CNTNAP2: variants seen among roughly 807,000 people sequenced by gnomAD.
The protein encoded by CNTNAP2 is contactin-associated protein-like 2.
Under a neutral mutation model 155.2 loss-of-function variants are expected in CNTNAP2, and 98 were observed. The observed-to-expected ratio is 0.63, with a 90% CI of 0.54 to 0.75. CNTNAP2 has a LOEUF of 0.75. CNTNAP2 is among the 30% of genes least tolerant of loss of function. CNTNAP2 has a pLI of 0.00. For synonymous variants in CNTNAP2, 651 were observed against 631.2 expected, an observed-to-expected ratio of 1.03 and a Z score of -0.47; for missense variants, 1,727 against 1,688.1, an observed-to-expected ratio of 1.02 and a Z score of -0.40.
intron 11 of CNTNAP2, among the ~76,000 whole-genome samples, chr7:147,501,707 A>G (rs1332223010): frequency 6.6e-6 from 1 of 152,220 alleles, no homozygotes; most frequent in Admixed American, 6.5e-5. Context: ...AGGTTAAGCT[A>G]TGATGTTTGC....
At chr7:147,213,479 G>A (rs1443208874) in intron 8 of CNTNAP2, among the ~76,000 whole-genome samples, 1 of 151,858 alleles carries the variant, frequency 6.6e-6, no homozygotes, top group Non-Finnish European at 1.5e-5. Flanking sequence ...AATCATGTTA[G>A]TATTATTGCA....
At chr7:148,132,848 A>C (rs1370162406) in intron 16 of CNTNAP2, among the ~76,000 whole-genome samples, 1 of 152,210 alleles carries the variant, frequency 6.6e-6, no homozygotes, top group East Asian at 1.9e-4. Flanking sequence ...CGTGGCTTCC[A>C]GCCACTTCTC....
intron 15 of CNTNAP2, among the ~76,000 whole-genome samples, chr7:148,101,138 T>TG (rs1804090245): frequency 2.2e-5 from 1 of 45,896 alleles, no homozygotes; most frequent in African/African-American, 5.6e-5. Flanking sequence ...TGTTGTGGGG[T>TG]GGGGGGAGGG....
intron 2 of CNTNAP2, among the ~76,000 whole-genome samples, chr7:146,830,347 A>G (rs1261925919): frequency 1.3e-5 from 2 of 152,108 alleles, no homozygotes; most frequent in African/African-American, 4.8e-5. Context: ...GGAAACAAGA[A>G]GAGCTTGTGG....
At chr7:146,962,392 G>A (rs1020642059) in intron 3 of CNTNAP2, among the ~76,000 whole-genome samples, 2 of 152,168 alleles carry the variant, frequency 1.3e-5, no homozygotes, top group Non-Finnish European at 2.9e-5. Flanking sequence ...TTCTGACTAA[G>A]TAAGGAATAC....
chr7:146,539,080 A>G (rs542763160), intron 1 of CNTNAP2, among the ~76,000 whole-genome samples: 1 of 152,254 alleles, frequency 6.6e-6, no homozygotes, highest in Admixed American at 6.5e-5. Flanking sequence ...GGTGATATTC[A>G]AGCTGTCTTG....
chr7:146,338,989 C>T (rs74449892), intron 1 of CNTNAP2, among the ~76,000 whole-genome samples: 1 of 151,860 alleles, frequency 6.6e-6, no homozygotes, highest in Non-Finnish European at 1.5e-5. Flanking sequence ...TCAAGACCAG[C>T]GTGGCCAACA....
intron 3 of CNTNAP2, among the ~76,000 whole-genome samples, chr7:146,850,105 T>C (rs932961026): frequency 2.0e-5 from 3 of 152,186 alleles, no homozygotes; most frequent in Non-Finnish European, 4.4e-5. Flanking sequence ...AGCTTAATTA[T>C]AGGCTGCAGT....
intron 9 of CNTNAP2, among the ~76,000 whole-genome samples, chr7:147,336,910 A>T (rs1584882357): frequency 6.6e-6 from 1 of 152,144 alleles, no homozygotes; most frequent in Non-Finnish European, 1.5e-5. Flanking sequence ...CCAAAGGGAC[A>T]TTGGCAGAAT....
chr7:148,356,982 A>G (rs558173295), intron 21 of CNTNAP2, among the ~76,000 whole-genome samples: 12 of 152,198 alleles, frequency 7.9e-5, no homozygotes, highest in African/African-American at 2.7e-4. Flanking sequence ...TTGAAGCGTG[A>G]GGCCCTGCGT....
chr7:147,455,847 C>A (rs1797909367), intron 10 of CNTNAP2, among the ~76,000 whole-genome samples: 1 of 152,086 alleles, frequency 6.6e-6, no homozygotes, highest in East Asian at 1.9e-4. Flanking sequence ...ATTCTTCTAG[C>A]AAGCCAAGGC....
chr7:147,509,207 C>G (rs1439365668), intron 11 of CNTNAP2, among the ~76,000 whole-genome samples: 1 of 152,084 alleles, frequency 6.6e-6, no homozygotes, highest in Admixed American at 6.5e-5. Flanking sequence ...TTGTATCATC[C>G]CAAATCTGAT....
At chr7:148,362,953 G>A (rs1222506826) in intron 21 of CNTNAP2, among the ~76,000 whole-genome samples, 1 of 152,064 alleles carries the variant, frequency 6.6e-6, no homozygotes, top group Non-Finnish European at 1.5e-5. Flanking sequence ...TTTCCCTACA[G>A]TATTCAATAG....
At chr7:147,433,131 T>C (rs142601732) in intron 10 of CNTNAP2, among the ~76,000 whole-genome samples, 4 of 152,316 alleles carry the variant, frequency 2.6e-5, no homozygotes, top group African/African-American at 9.6e-5. Context: ...ATAGTGGCCA[T>C]CCGCAGAGTG....
intron 1 of CNTNAP2, among the ~76,000 whole-genome samples, chr7:146,555,933 A>G (rs1298246399): frequency 6.6e-6 from 1 of 152,204 alleles, no homozygotes; most frequent in Non-Finnish European, 1.5e-5. Context: ...TAATGTCTGT[A>G]AAGCTGAAGC....
intron 1 of CNTNAP2, among the ~76,000 whole-genome samples, chr7:146,429,873 C>T (rs954971535): frequency 2.6e-5 from 4 of 152,142 alleles, no homozygotes; most frequent in African/African-American, 7.2e-5. Flanking sequence ...ATAGATGGCT[C>T]TTATTATTGT....
intron 8 of CNTNAP2, among the ~76,000 whole-genome samples, chr7:147,201,093 T>C (rs987824055): frequency 6.6e-6 from 1 of 152,214 alleles, no homozygotes; most frequent in Non-Finnish European, 1.5e-5. Context: ...AATTCTAACA[T>C]GATTTCAGTC....
chr7:147,193,977 T>TG (rs917878454), intron 8 of CNTNAP2, among the ~76,000 whole-genome samples: 1 of 151,198 alleles, frequency 6.6e-6, no homozygotes, highest in Non-Finnish European at 1.5e-5. Context: ...TAAAAAAAAG[T>TG]GGGGGGAGAT....
chr7:147,965,956 T>C (rs939347296), intron 14 of CNTNAP2, among the ~76,000 whole-genome samples: 1 of 152,182 alleles, frequency 6.6e-6, no homozygotes, highest in African/African-American at 2.4e-5. Context: ...TCGATCATCC[T>C]AAGGGCCTTA....
Sources: gnomAD v4.1 joint callset for allele counts (sites outside exome capture counted in the v4.1 genomes callset) on GRCh38, gnomAD v4.1.1 for gene constraint, MANE v1.5 for transcripts, NCBI Gene and HGNC (gene_info 2026-07-23, HGNC 2026-07-21) for gene names.